The following TSBP1 variants were observed in gnomAD, a reference collection of about 807,000 sequenced individuals.
TSBP1 encodes the protein testis-expressed basic protein 1.
A neutral mutation model predicts 68.8 loss-of-function variants in TSBP1; 56 were observed. The observed-to-expected ratio is 0.81, with a 90% CI of 0.66 to 1.02. The LOEUF is 1.02. TSBP1 is among the 50% of genes least tolerant of loss of function. TSBP1 has a pLI of 0.00. For synonymous variants in TSBP1, 171 were observed against 208.7 expected (o/e 0.82, Z 1.56); for missense variants, 502 against 641.2 (o/e 0.78, Z 2.34).
chr6:32,296,581 T>C (rs1764750783), intron 22 of TSBP1, among the ~76,000 whole-genome samples: 1 of 152,198 alleles, frequency 6.6e-6, no homozygotes, highest in Admixed American at 6.5e-5. Flanking sequence ...CAGTGGACAC[T>C]GTTTTGTTTT....
chr6:32,367,243 AAGAGAG>A (rs67714335), intron 4 of TSBP1, among the ~76,000 whole-genome samples: 5 of 130,660 alleles, frequency 3.8e-5, no homozygotes, highest in Non-Finnish European at 6.7e-5. Flanking sequence ...GAGGGAAGGA[AAGAGAG>A]AGAGAGAGAG....
In TSBP1 at chr6:32,308,065, G is replaced by A. The variant is rs145025475; in HGVS notation, c.581-5436C>T. Among the ~76,000 whole-genome samples, 843 of 151,878 alleles carry A rather than the reference G, an allele frequency of 5.6e-3. 9 individuals carry two copies. The highest frequency in any genetic ancestry group is 0.019 in the African/African-American group (784 of 41,438). ...GCTGGAATTACAGGCATGAGCCACC[G>A]CACCTGGCCAATTGCCTGGTATGTT... On this transcript the variant is annotated intron_variant, in intron 19 of 22. Coordinates refer to ENST00000612031, the Ensembl canonical transcript of TSBP1.
chr6:32,352,438 G>A (rs930952521), intron 8 of TSBP1, among the ~76,000 whole-genome samples: 2 of 151,538 alleles, frequency 1.3e-5, no homozygotes, highest in Non-Finnish European at 3.0e-5. Context: ...AAAACACTAA[G>A]TAAAACAAAA....
intron 16 of TSBP1, among the ~76,000 whole-genome samples, chr6:32,328,422 A>ATT (rs201332386): frequency 2.2e-5 from 3 of 135,416 alleles, no homozygotes; most frequent in Non-Finnish European, 3.2e-5. Context: ...TAACTTTTGT[A>ATT]TTTTTTTTTT....
chr6:32,370,411 A>G (rs28986323), intron 1 of TSBP1, among the ~76,000 whole-genome samples: 7,767 of 27,884 alleles, frequency 0.28, 362 homozygotes, highest in South Asian at 0.38. Context: ...TTTTCTGTAT[A>G]TATATATATA....
intron 8 of TSBP1, among the ~76,000 whole-genome samples, chr6:32,351,562 A>G (rs1204360576): frequency 6.6e-6 from 1 of 152,164 alleles, no homozygotes; most frequent in Non-Finnish European, 1.5e-5. Flanking sequence ...CTTTACATAC[A>G]TAGTAATTTT....
chr6:32,294,461 T>C (rs1764493784), intron 22 of TSBP1, among the ~76,000 whole-genome samples: 1 of 152,230 alleles, frequency 6.6e-6, no homozygotes, highest in African/African-American at 2.4e-5. Context: ...AAGCATATCT[T>C]ATTATGCAAA....
chr6:32,297,933 A>C (rs518374), intron 22 of TSBP1, among the ~76,000 whole-genome samples: 50,830 of 151,962 alleles, frequency 0.33, 9,606 homozygotes, highest in Middle Eastern at 0.52. Context: ...ATTGGGAAAA[A>C]TGTGTTTGAA....
chr6:32,352,810 T>G (rs990528387), intron 8 of TSBP1: 1 of 151,634 alleles, frequency 6.6e-6, no homozygotes, highest in African/African-American at 2.4e-5. Flanking sequence ...AGGATATGAG[T>G]GGATATGAGG....
At position 32,337,023 on chromosome 6, in the gene TSBP1, A is replaced by C. The variant is rs1462235200; in HGVS notation, c.410-388T>G. On this transcript the variant is annotated intron_variant, in intron 11 of 22. Transcript: ENST00000612031. The surrounding 1 kb of genome is among the most constrained non-coding windows in gnomAD (Gnocchi z 5.5). ...GAGTGAGAAATCCTGCAGGGGTAGA[A>C]ATGGTAACAGTTAGGATGTGGAGAG... Among the ~76,000 whole-genome samples, 1 of 152,178 alleles carries C rather than the reference A, an allele frequency of 6.6e-6. No homozygotes were observed. Among genetic ancestry groups the C allele is most frequent in the Non-Finnish European group, 1.5e-5 (1 of 68,038 alleles).
At chr6:32,369,218 A>C (rs1410124405) in intron 2 of TSBP1, among the ~76,000 whole-genome samples, 1 of 151,814 alleles carries the variant, frequency 6.6e-6, no homozygotes. Context: ...AAGTCACTAA[A>C]AGTCTCCAAT....
Position 32,338,782 on chromosome 6 carries a change from C to T in TSBP1, c.409+197G>A, listed in dbSNP as rs9968795. 0.022 allele frequency among the ~76,000 whole-genome samples: 3,324 copies of T among 152,002 alleles called. 57 individuals are homozygous for T. Among genetic ancestry groups the T allele is most frequent in the South Asian group, 0.047 (228 of 4,820 alleles). The stretch of plus-strand genomic sequence containing the variant: ...CCTTTGCTGTTGAATCTCAAGATTT[C>T]GGAAAAGTTAAAGGCAATAGTACTT... On this transcript the variant is annotated intron_variant, in intron 11 of 22. Coordinates refer to ENST00000612031, the Ensembl canonical transcript of TSBP1. This position sits in a 1 kb window ranked among gnomAD's most constrained non-coding sequence, Gnocchi z 5.5.
chr6:32,353,911 A>C (rs2127636400), intron 8 of TSBP1, among the ~76,000 whole-genome samples: 1 of 152,132 alleles, frequency 6.6e-6, no homozygotes, highest in South Asian at 2.1e-4. Context: ...AAAACCAAAA[A>C]ACAATTAACA....
At position 32,329,086 on chromosome 6, in the gene TSBP1, A is replaced by G. The variant is rs868589756; in HGVS notation, c.514+1503T>C. ...GTTGCGAGCCACTAATTTTTGTTAAAGTCATTTAAATTTTAATCAGTTCAT... is the reference window on the plus strand; with the variant it reads ...GTTGCGAGCCACTAATTTTTGTTAAGGTCATTTAAATTTTAATCAGTTCAT... On this transcript the variant is annotated intron_variant, in intron 16 of 22. Coordinates refer to ENST00000612031, the Ensembl canonical transcript of TSBP1. Among the ~76,000 whole-genome samples, 47 of 152,326 alleles carry G rather than the reference A, an allele frequency of 3.1e-4. 1 individual carries two copies. The highest frequency in any genetic ancestry group is 1.1e-3 in the African/African-American group (46 of 41,570).
rs770070327 is a variant in TSBP1, at chr6:32,355,727, T to G, written c.218-58A>C. On this transcript the variant is annotated intron_variant, in intron 6 of 22. Transcript: ENST00000612031. ...TTTGGATATTCTATTTCTGTAGTTT[T>G]GGTATCACTACAGAGGATTACCCAA... 5.1e-6 allele frequency: 8 copies of G among 1,562,220 alleles called. No homozygotes were observed. The East Asian group carries it at 1.8e-4, about 36-fold the overall frequency.
chr6:32,330,998 C>G (rs982310697), intron 15 of TSBP1, among the ~76,000 whole-genome samples: 1 of 152,042 alleles, frequency 6.6e-6, no homozygotes, highest in Non-Finnish European at 1.5e-5. Context: ...TTTCCAAAGG[C>G]AAGCAGTGAA....
At chr6:32,367,346 C>T (rs1381870072) in intron 4 of TSBP1, among the ~76,000 whole-genome samples, 1 of 151,598 alleles carries the variant, frequency 6.6e-6, no homozygotes, top group Non-Finnish European at 1.5e-5. Flanking sequence ...AGTGTTGGGG[C>T]GTGAGGGTTA....
At chr6:32,293,369 A>G (rs779538183) in exon 23 of TSBP1, 129 of 1,612,384 alleles carry the variant, frequency 8.0e-5, no homozygotes, top group Non-Finnish European at 1.1e-4. Context: ...TTCCTTTGGC[A>G]CATCTGCCTC....
At chr6:32,369,852 C>T (rs747908419) in intron 2 of TSBP1, 45 bp downstream of exon 2, 33 of 1,186,290 alleles carry the variant, frequency 2.8e-5, no homozygotes, top group South Asian at 2.2e-4. Context: ...TCCCTCCCTC[C>T]GTGGTTTTCA....
Sources: allele counts gnomAD v4.1 joint callset (sites outside exome capture counted in the v4.1 genomes callset), GRCh38; gene constraint gnomAD v4.1.1; non-coding constraint Gnocchi (gnomAD v3.1); transcripts MANE v1.5; gene names NCBI Gene and HGNC (gene_info 2026-07-23, HGNC 2026-07-21).